The following GUCY1A1 variants were observed in gnomAD, a reference collection of about 807,000 sequenced individuals.
GUCY1A1 encodes the protein guanylate cyclase 1 soluble subunit alpha 1, also known as guanylate cyclase soluble subunit alpha-1.
GUCY1A1 carries 48 observed loss-of-function variants against 64.5 expected under a neutral mutation model. The ratio of observed to expected loss-of-function variants is 0.74; its 90% CI spans 0.59 to 0.95. The LOEUF is 0.95. Ranked by LOEUF, GUCY1A1 falls within the 40% of genes least tolerant of loss-of-function variation. The pLI, the probability that GUCY1A1 is intolerant of heterozygous loss-of-function variation, is 0.00. For missense variants in GUCY1A1, 804 were observed against 825.3 expected (o/e 0.97, Z 0.32); for synonymous variants, 308 against 303.4 (o/e 1.02, Z -0.16).
At chr4:155,681,546 A>G (rs932295537) in intron 2 of GUCY1A1, among the ~76,000 whole-genome samples, 6 of 152,126 alleles carry the variant, frequency 3.9e-5, no homozygotes, top group African/African-American at 1.4e-4. Flanking sequence ...ACATCTTTCT[A>G]ATTTAAAAAT....
intron 2 of GUCY1A1, among the ~76,000 whole-genome samples, chr4:155,686,964 C>T (rs1479916422): frequency 6.6e-6 from 1 of 152,042 alleles, no homozygotes; most frequent in Non-Finnish European, 1.5e-5. Flanking sequence ...TTAGATATAA[C>T]TTTCTTGGTA....
chr4:155,698,170 C>T (rs1488969917), intron 3 of GUCY1A1, among the ~76,000 whole-genome samples: 3 of 152,080 alleles, frequency 2.0e-5, no homozygotes, highest in Non-Finnish European at 2.9e-5. Context: ...AAGGGTAGAG[C>T]AATTAATTCC....
chr4:155,733,073 A>C lies in GUCY1A1; in HGVS notation c.*2842A>C, dbSNP rs1039383438. On this transcript the variant is annotated 3_prime_UTR_variant, in exon 10 of 10. Transcript: ENST00000506455. Reference sequence around the variant, plus strand: ...AAAGCGTATATTTAAGAAAACCTAAATAAGAATAGATTCATTTACTCATTT... The same window carrying C: ...AAAGCGTATATTTAAGAAAACCTAACTAAGAATAGATTCATTTACTCATTT... Among the ~76,000 whole-genome samples, 1 of 151,870 alleles carries C rather than the reference A, an allele frequency of 6.6e-6. No homozygotes were observed. The highest frequency in any genetic ancestry group is 1.5e-5 in the Non-Finnish European group (1 of 67,882).
intron 2 of GUCY1A1, among the ~76,000 whole-genome samples, chr4:155,680,512 A>G (rs1234483146): frequency 6.6e-6 from 1 of 151,760 alleles, no homozygotes; most frequent in Non-Finnish European, 1.5e-5. Flanking sequence ...TCCTTGAACA[A>G]CACAGGGGTT....
intron 2 of GUCY1A1, among the ~76,000 whole-genome samples, chr4:155,674,823 A>T (rs1240798767): frequency 6.6e-6 from 1 of 151,704 alleles, no homozygotes; most frequent in Non-Finnish European, 1.5e-5. Flanking sequence ...TAAAATAACA[A>T]TAAAAGGCAT....
At chr4:155,669,535 T>G (rs1733833802) in intron 2 of GUCY1A1, among the ~76,000 whole-genome samples, 1 of 152,060 alleles carries the variant, frequency 6.6e-6, no homozygotes. Context: ...GTGAAAAACT[T>G]CACAATGCTT....
Position 155,731,527 on chromosome 4 carries a change from A to G in GUCY1A1, c.*1296A>G, listed in dbSNP as rs534507058. On this transcript the variant is annotated 3_prime_UTR_variant, in exon 10 of 10. Coordinates refer to ENST00000506455, the MANE Select transcript of GUCY1A1 (RefSeq NM_001130682.3). ...CTTCAACTTTTTCTTTTTGTTTTAC[A>G]TAAACATTTAAGCAGCTAGGAACTT... 1.1e-4 allele frequency: 16 copies of G among 151,980 alleles called. No individual in the cohort carries two copies. The highest frequency in any genetic ancestry group is 3.6e-4 in the African/African-American group (15 of 41,532). The allele number at this position is 151,980 out of a possible 1,614,324, so 9.4% of individuals were successfully genotyped here.
intron 8 of GUCY1A1, among the ~76,000 whole-genome samples, chr4:155,719,749 A>G (rs932821983): frequency 5.9e-5 from 9 of 152,136 alleles, no homozygotes; most frequent in African/African-American, 2.2e-4. Flanking sequence ...TAACCGTGAA[A>G]GTCAGTAGGT....
chr4:155,688,367 C>T (rs1729296126), intron 2 of GUCY1A1, among the ~76,000 whole-genome samples: 1 of 152,082 alleles, frequency 6.6e-6, no homozygotes, highest in African/African-American at 2.4e-5. Flanking sequence ...ACTTTACTTC[C>T]AGGCCTTCCT....
intron 2 of GUCY1A1, among the ~76,000 whole-genome samples, chr4:155,671,758 G>A (rs552657258): frequency 6.6e-6 from 1 of 152,004 alleles, no homozygotes; most frequent in South Asian, 2.1e-4. Context: ...TTACCTCTTA[G>A]AGTATTTATA....
At chr4:155,679,707 G>A (rs1425612945) in intron 2 of GUCY1A1, among the ~76,000 whole-genome samples, 5 of 152,172 alleles carry the variant, frequency 3.3e-5, no homozygotes, top group East Asian at 3.8e-4. Flanking sequence ...TGGAAGGTTC[G>A]AATATCCAAA....
At chr4:155,724,169 T>G (rs2126966009) in intron 9 of GUCY1A1, among the ~76,000 whole-genome samples, 1 of 152,266 alleles carries the variant, frequency 6.6e-6, no homozygotes, top group South Asian at 2.1e-4. Flanking sequence ...CTGCCCCTGG[T>G]TGATACAGTT....
intron 3 of GUCY1A1, 140 bp from the exon 4 acceptor site, chr4:155,703,792 T>C (rs954702347): frequency 1.6e-6 from 1 of 608,316 alleles, no homozygotes; most frequent in South Asian, 2.1e-5. Flanking sequence ...AAAGTGAAAA[T>C]TCATAACATT....
intron 6 of GUCY1A1, among the ~76,000 whole-genome samples, chr4:155,711,964 A>C (rs1171364321): frequency 6.6e-6 from 1 of 152,236 alleles, no homozygotes; most frequent in Non-Finnish European, 1.5e-5. Context: ...TGTAGCAAAA[A>C]AATGAAAAAC....
At chr4:155,701,653 G>A (rs1369876694) in intron 3 of GUCY1A1, among the ~76,000 whole-genome samples, 1 of 151,890 alleles carries the variant, frequency 6.6e-6, no homozygotes, top group Non-Finnish European at 1.5e-5. Flanking sequence ...AATGTTCCTG[G>A]TCAGGGCGAG....
At chr4:155,669,324 T>C (rs1316249348) in intron 2 of GUCY1A1, among the ~76,000 whole-genome samples, 4 of 152,044 alleles carry the variant, frequency 2.6e-5, no homozygotes, top group African/African-American at 9.7e-5. Context: ...TTTTTGTCTT[T>C]GAAATCCAAT....
intron 2 of GUCY1A1, among the ~76,000 whole-genome samples, chr4:155,695,658 TA>T (rs1292763533): frequency 3.9e-5 from 6 of 152,202 alleles, no homozygotes; most frequent in African/African-American, 9.7e-5. Context: ...GAAAACTACC[TA>T]AACTTTTGAG....
chr4:155,716,969 A>C (rs760928889), intron 7 of GUCY1A1, among the ~76,000 whole-genome samples, 190 bp from the exon 8 acceptor site: 2 of 152,152 alleles, frequency 1.3e-5, no homozygotes, highest in Non-Finnish European at 2.9e-5. Context: ...CAGTGCCTCA[A>C]TGTAATGGGT....
At chr4:155,718,857 A>G (rs1733603468) in intron 8 of GUCY1A1, among the ~76,000 whole-genome samples, 1 of 152,180 alleles carries the variant, frequency 6.6e-6, no homozygotes, top group African/African-American at 2.4e-5. Context: ...CCAAGAATCA[A>G]TAGGAGGAGT....
Sources: gnomAD v4.1 joint callset for allele counts (sites outside exome capture counted in the v4.1 genomes callset) on GRCh38, gnomAD v4.1.1 for gene constraint, MANE v1.5 for transcripts, NCBI Gene and HGNC (gene_info 2026-07-23, HGNC 2026-07-21) for gene names.